Variants in KDM4C observed in about 807,000 individuals in gnomAD.
The protein encoded by KDM4C is lysine demethylase 4C.
In KDM4C, 81 loss-of-function variants were observed where a neutral mutation model predicts 129.3. The observed-to-expected ratio is 0.63, with a 90% confidence interval of 0.52 to 0.75. The LOEUF is 0.75. KDM4C is among the 30% of genes least tolerant of loss of function. KDM4C has a pLI of 0.00. For synonymous variants in KDM4C, 573 were observed against 456.1 expected (o/e 1.26, Z -3.26); for missense variants, 1,457 against 1,304.0 (o/e 1.12, Z -1.81).
At chr9:7,160,036 CT>C (rs1843616205) in intron 19 of KDM4C, among the ~76,000 whole-genome samples, 1 of 152,256 alleles carries the variant, frequency 6.6e-6, no homozygotes, top group African/African-American at 2.4e-5. Context: ...TTTCTTTTCA[CT>C]CTTTTTTCTC....
At chr9:6,886,768 A>G (rs1845350764) in intron 6 of KDM4C, among the ~76,000 whole-genome samples, 1 of 152,118 alleles carries the variant, frequency 6.6e-6, no homozygotes, top group Non-Finnish European at 1.5e-5. Flanking sequence ...TTGGGATTAC[A>G]GGCGTGAACC....
chr9:6,723,351 C>A (rs911638169), intron 1 of KDM4C, among the ~76,000 whole-genome samples: 5 of 150,724 alleles, frequency 3.3e-5, no homozygotes, highest in African/African-American at 1.2e-4. Context: ...CTCCAGCCTG[C>A]GTGACAAGAG....
intron 14 of KDM4C, among the ~76,000 whole-genome samples, chr9:7,014,897 G>A (rs1003260927): frequency 4.9e-5 from 7 of 144,166 alleles, no homozygotes; most frequent in Non-Finnish European, 7.5e-5. Flanking sequence ...TCTTCTTTTT[G>A]TATTGAAGGC....
At chr9:6,893,295 C>T in intron 8 of KDM4C, 63 bp downstream of exon 8, 1 of 1,344,532 alleles carries the variant, frequency 7.4e-7, no homozygotes, top group South Asian at 1.3e-5. Context: ...TTAGTAGGAA[C>T]CCTACGATCC....
chr9:7,054,723 A>T (rs576712834), intron 17 of KDM4C, among the ~76,000 whole-genome samples: 3 of 152,244 alleles, frequency 2.0e-5, no homozygotes, highest in Middle Eastern at 6.3e-3. Context: ...TACATTGATC[A>T]CTTCCTGCAG....
rs1829484284 is a variant in KDM4C, at chr9:7,046,907, A to G, written c.2305A>G (p.Lys769Glu). 1.3e-6 allele frequency: 2 copies of G among 1,592,198 alleles called. No individual in the cohort carries two copies. The highest frequency in any genetic ancestry group is 3.3e-4 in the Middle Eastern group (2 of 6,014). ...GAGAGGAGGTGCTCTTAAGCAAACGAAGAACAATAAGTAAGTAATACATTA... is the reference window on the plus strand; with the variant it reads ...GAGAGGAGGTGCTCTTAAGCAAACGGAGAACAATAAGTAAGTAATACATTA... ...NLRGGALKQT[K>E]NNKWAHVMCA... Residue 769 changes from lysine to glutamate, a missense_variant, in exon 16 of 22, where the codon AAG becomes GAG. Lys to Glu is a moderately conservative substitution (Grantham distance 56, BLOSUM62 1). Coordinates refer to ENST00000381309, the MANE Select transcript of KDM4C (RefSeq NM_015061.6).
chr9:6,731,674 C>T lies in KDM4C; in HGVS notation c.49+10677C>T, dbSNP rs141788836. On this transcript the variant is annotated intron_variant, in intron 1 of 17. Coordinates refer to the KDM4C transcript ENST00000536108. Reference sequence around the variant, plus strand: ...TTTGGTTTGGTCTGTTGGGGCCTAGCGCATGAGCTCAGTTCAAAACAATGG... The same window carrying T: ...TTTGGTTTGGTCTGTTGGGGCCTAGTGCATGAGCTCAGTTCAAAACAATGG... 8.5e-5 allele frequency among the ~76,000 whole-genome samples: 13 copies of T among 152,120 alleles called. No individual in the cohort carries two copies. The East Asian group carries it at 1.5e-3, about 18-fold the overall frequency.
intron 3 of KDM4C, among the ~76,000 whole-genome samples, chr9:6,811,043 T>G (rs1030422751): frequency 6.6e-6 from 1 of 152,240 alleles, no homozygotes; most frequent in Non-Finnish European, 1.5e-5. Context: ...TTTCTAAGCC[T>G]CAAGAACCAA....
rs1310805449 is a variant in KDM4C, at chr9:6,887,994, A to G, written c.714A>G (p.Ala238=). The G allele has an allele frequency of 5.0e-5, 80 of 1,612,270 alleles. No individual in the cohort carries two copies. Among genetic ancestry groups the G allele is most frequent in the Non-Finnish European group, 5.7e-5 (67 of 1,178,738 alleles). ...CAAGCAGCTCCCAAGGGTGTGATGCATTTCTTCGCCACAAGATGACATTGA... is the reference window on the plus strand; with the variant it reads ...CAAGCAGCTCCCAAGGGTGTGATGCGTTTCTTCGCCACAAGATGACATTGA... ...FFPSSSQGCD[A]FLRHKMTLIS... is the part of the protein sequence containing the mutation. The change falls in exon 7 of 22, where the codon GCA becomes GCG. Residue 238 remains alanine (A), a synonymous_variant. Transcript: ENST00000381309.
intron 8 of KDM4C, among the ~76,000 whole-genome samples, chr9:6,940,821 C>A (rs59337249): frequency 0.26 from 38,867 of 151,904 alleles, 5,412 homozygotes; most frequent in South Asian, 0.4. Flanking sequence ...GATAATGTAC[C>A]CTTGATTCTA....
chr9:7,132,723 T>A (rs1203904030), intron 19 of KDM4C, among the ~76,000 whole-genome samples: 1 of 152,218 alleles, frequency 6.6e-6, no homozygotes, highest in Non-Finnish European at 1.5e-5. Flanking sequence ...TGTTAGCCTC[T>A]GCCAAAACCT....
chr9:7,124,371 A>C (rs1216850517), intron 18 of KDM4C, among the ~76,000 whole-genome samples: 1 of 152,202 alleles, frequency 6.6e-6, no homozygotes, highest in Non-Finnish European at 1.5e-5. Flanking sequence ...GCCAAGATGA[A>C]GCTGTGTGTG....
chr9:6,969,008 C>T (rs1183599116), intron 8 of KDM4C, among the ~76,000 whole-genome samples: 2 of 152,124 alleles, frequency 1.3e-5, no homozygotes, highest in Non-Finnish European at 1.5e-5. Flanking sequence ...ATGATATTGG[C>T]TCACTGCAAC....
intron 17 of KDM4C, among the ~76,000 whole-genome samples, chr9:7,073,593 GT>G (rs1201551623): frequency 6.6e-6 from 1 of 152,174 alleles, no homozygotes; most frequent in Non-Finnish European, 1.5e-5. Flanking sequence ...TCTCAGTTCA[GT>G]TATACTCCCT....
intron 6 of KDM4C, among the ~76,000 whole-genome samples, chr9:6,883,102 A>C (rs936551397): frequency 6.6e-6 from 1 of 152,192 alleles, no homozygotes; most frequent in Non-Finnish European, 1.5e-5. Context: ...GCAATAAATA[A>C]ATCATTTTAA....
chr9:6,757,713 C>G, upstream of KDM4C: 4 of 985,578 alleles, frequency 4.1e-6, no homozygotes, highest in Non-Finnish European at 4.8e-6. Flanking sequence ...CTGCGGGACC[C>G]CAGCCAGCGC....
intron 8 of KDM4C, among the ~76,000 whole-genome samples, chr9:6,939,996 T>A (rs1433433284): frequency 2.4e-4 from 29 of 118,452 alleles, no homozygotes; most frequent in African/African-American, 4.4e-4. Context: ...CTTCCTTCCT[T>A]CCTTCCTTCC....
At chr9:7,137,033 T>C (rs1473115056) in intron 19 of KDM4C, among the ~76,000 whole-genome samples, 5 of 152,244 alleles carry the variant, frequency 3.3e-5, no homozygotes, top group African/African-American at 7.2e-5. Flanking sequence ...TCTATAGATA[T>C]GTGAACTTTC....
At chr9:7,028,876 C>T (rs1208232486) in intron 15 of KDM4C, among the ~76,000 whole-genome samples, 1 of 151,994 alleles carries the variant, frequency 6.6e-6, no homozygotes, top group Admixed American at 6.5e-5. Context: ...CTTACAATTT[C>T]TGTGCTCTCC....
Sources: gnomAD v4.1 joint callset for allele counts (sites outside exome capture counted in the v4.1 genomes callset) on GRCh38, gnomAD v4.1.1 for gene constraint, MANE v1.5 for transcripts, NCBI Gene and HGNC (gene_info 2026-07-23, HGNC 2026-07-21) for gene names.